The following CADM1 variants were observed in gnomAD, a reference collection of about 807,000 sequenced individuals.
The protein encoded by CADM1 is TSLC-1.
A neutral mutation model predicts 53.1 loss-of-function variants in CADM1; 15 were observed. That is an observed-to-expected ratio of 0.28 (90% CI 0.19 to 0.44). The LOEUF (loss-of-function observed/expected upper bound fraction) is 0.44, where lower values mean the gene tolerates loss of function less well. CADM1 is among the 20% of genes least tolerant of loss of function. CADM1 has a pLI of 1.00. For synonymous variants in CADM1, 281 were observed against 243.0 expected (o/e 1.16, Z -1.45); for missense variants, 434 against 611.3 (o/e 0.71, Z 3.06).
At chr11:115,193,287 T>C (rs1187451831) in intron 9 of CADM1, among the ~76,000 whole-genome samples, 2 of 152,248 alleles carry the variant, frequency 1.3e-5, no homozygotes, top group African/African-American at 4.8e-5. Flanking sequence ...GGCCTCTTTC[T>C]AGTCACTGCT....
At chr11:115,360,401 T>C (rs1250230548) in intron 1 of CADM1, among the ~76,000 whole-genome samples, 1 of 152,184 alleles carries the variant, frequency 6.6e-6, no homozygotes, top group Non-Finnish European at 1.5e-5. Flanking sequence ...TGATTATTAA[T>C]GATAACAGGG....
At position 115,388,186 on chromosome 11, in the gene CADM1, C is replaced by A. The variant is rs143379975; in HGVS notation, c.124+116085G>T. Among the ~76,000 whole-genome samples, 265 of 152,050 alleles carry A rather than the reference C, an allele frequency of 1.7e-3. 1 individual carries two copies. The highest frequency in any genetic ancestry group is 6.1e-3 in the African/African-American group (252 of 41,502). ...AAAAAGGGGAGTCTATAAGTCAATA[C>A]GACTGACAGACAGGCAGACAGACAG... is the stretch of plus-strand genomic sequence containing the variant. On this transcript the variant is annotated intron_variant, in intron 1 of 11. Transcript: ENST00000331581.
At chr11:115,498,672 C>T (rs1949672009) in intron 1 of CADM1, among the ~76,000 whole-genome samples, 1 of 152,366 alleles carries the variant, frequency 6.6e-6, no homozygotes, top group South Asian at 2.1e-4. Flanking sequence ...GCTGTAGCTT[C>T]TCTGGCCTCT....
At chr11:115,178,907 G>T in intron 10 of CADM1, 132 bp from the exon 11 acceptor site, 1 of 969,192 alleles carries the variant, frequency 1.0e-6, no homozygotes, top group Non-Finnish European at 1.6e-6. Flanking sequence ...AATCGAGATG[G>T]ATCAAGTTAC....
intron 1 of CADM1, among the ~76,000 whole-genome samples, chr11:115,259,350 G>T (rs1942897151): frequency 7.7e-6 from 1 of 130,458 alleles, no homozygotes; most frequent in Admixed American, 9.2e-5. Flanking sequence ...TGGTTGCCCA[G>T]GCTGGAGCAC....
At chr11:115,201,756 C>CA (rs1264190667) in intron 8 of CADM1, among the ~76,000 whole-genome samples, 5 of 151,810 alleles carry the variant, frequency 3.3e-5, no homozygotes, top group Admixed American at 3.3e-4. Flanking sequence ...AAACAGGTCA[C>CA]AAAAAATTGA....
chr11:115,487,744 G>C (rs979392466), intron 1 of CADM1, among the ~76,000 whole-genome samples: 3 of 152,130 alleles, frequency 2.0e-5, no homozygotes, highest in African/African-American at 7.2e-5. Flanking sequence ...CAATCCTGCC[G>C]ACAGGCCTAC....
At chr11:115,211,503 G>A (rs1428184264) in intron 7 of CADM1, among the ~76,000 whole-genome samples, 126 of 101,484 alleles carry the variant, frequency 1.2e-3, no homozygotes, top group African/African-American at 3.3e-3. Flanking sequence ...TTTTTTAGAC[G>A]GAGTCTTGCT....
At chr11:115,196,819 ATC>A (rs1271616735) in intron 9 of CADM1, among the ~76,000 whole-genome samples, 1 of 152,118 alleles carries the variant, frequency 6.6e-6, no homozygotes, top group Non-Finnish European at 1.5e-5. Flanking sequence ...ATAGAATAAA[ATC>A]TCTCTAACTA....
chr11:115,393,274 T>C (rs1946890540), intron 1 of CADM1, among the ~76,000 whole-genome samples: 1 of 151,768 alleles, frequency 6.6e-6, no homozygotes, highest in Non-Finnish European at 1.5e-5. Flanking sequence ...GTGAAAAATA[T>C]TAATATCAAG....
chr11:115,383,390 C>T (rs1779880151), intron 1 of CADM1, among the ~76,000 whole-genome samples: 3 of 152,186 alleles, frequency 2.0e-5, no homozygotes, highest in African/African-American at 7.2e-5. Flanking sequence ...GTGAGATATG[C>T]TTCTATAGTT....
At chr11:115,493,538 C>T (rs1012157868) in intron 1 of CADM1, among the ~76,000 whole-genome samples, 3 of 152,116 alleles carry the variant, frequency 2.0e-5, no homozygotes, top group Non-Finnish European at 2.9e-5. Flanking sequence ...GATATGTATA[C>T]ACAAGGTTAC....
chr11:115,293,763 A>G (rs1943972642), intron 1 of CADM1, among the ~76,000 whole-genome samples: 1 of 152,204 alleles, frequency 6.6e-6, no homozygotes, highest in South Asian at 2.1e-4. Flanking sequence ...AGGATTTAGC[A>G]GACTTCAGTT....
chr11:115,419,528 A>G (rs1399606800), intron 1 of CADM1, among the ~76,000 whole-genome samples: 1 of 152,156 alleles, frequency 6.6e-6, no homozygotes, highest in African/African-American at 2.4e-5. Context: ...ATTATTACAA[A>G]TTACAATTAT....
chr11:115,332,139 G>T (rs1401092418), intron 1 of CADM1, among the ~76,000 whole-genome samples: 6 of 152,180 alleles, frequency 3.9e-5, no homozygotes. Context: ...CTGAATAGTT[G>T]TGGGCTGAGT....
intron 1 of CADM1, among the ~76,000 whole-genome samples, chr11:115,347,082 G>A (rs1945599343): frequency 6.6e-6 from 1 of 152,144 alleles, no homozygotes; most frequent in African/African-American, 2.4e-5. Context: ...GCGGGTACAA[G>A]TGAATAAAAC....
At chr11:115,342,329 C>G (rs1482762737) in intron 1 of CADM1, among the ~76,000 whole-genome samples, 2 of 152,132 alleles carry the variant, frequency 1.3e-5, no homozygotes, top group Non-Finnish European at 2.9e-5. Context: ...TGGCCTGAAT[C>G]TGTCTTAAGT....
At chr11:115,404,285 C>T (rs1947241320) in intron 1 of CADM1, among the ~76,000 whole-genome samples, 1 of 135,864 alleles carries the variant, frequency 7.4e-6, no homozygotes, top group African/African-American at 2.8e-5. Context: ...AAGATCATGC[C>T]ACTCCACTCC....
At chr11:115,388,070 C>T (rs1946743755) in intron 1 of CADM1, among the ~76,000 whole-genome samples, 1 of 152,108 alleles carries the variant, frequency 6.6e-6, no homozygotes, top group South Asian at 2.1e-4. Flanking sequence ...TAGAAGAACA[C>T]AAGAGACAAT....
Sources: gnomAD v4.1 joint callset for allele counts (sites outside exome capture counted in the v4.1 genomes callset) on GRCh38, gnomAD v4.1.1 for gene constraint, MANE v1.5 for transcripts, NCBI Gene and HGNC (gene_info 2026-07-23, HGNC 2026-07-21) for gene names.